DGKB: variants seen among roughly 807,000 people sequenced by gnomAD.
The protein encoded by DGKB is diacylglycerol kinase beta.
DGKB carries 67 observed loss-of-function variants against 114.3 expected under a neutral mutation model. The observed-to-expected ratio is 0.59, with a 90% CI of 0.48 to 0.72. DGKB has a LOEUF of 0.72. DGKB is among the 30% of genes least tolerant of loss of function. DGKB has a pLI of 0.00. For synonymous variants in DGKB, 398 were observed against 323.1 expected, an observed-to-expected ratio of 1.23 and a Z score of -2.49; for missense variants, 907 against 975.2, an observed-to-expected ratio of 0.93 and a Z score of 0.93.
At chr7:14,825,781 G>A (rs141052420) in intron 2 of DGKB, among the ~76,000 whole-genome samples, 1 of 152,192 alleles carries the variant, frequency 6.6e-6, no homozygotes, top group East Asian at 1.9e-4. Flanking sequence ...CACAATTTAA[G>A]CAAATGATCC....
chr7:14,714,407 G>A (rs1006667757), intron 6 of DGKB, among the ~76,000 whole-genome samples: 2 of 152,102 alleles, frequency 1.3e-5, no homozygotes, highest in African/African-American at 2.4e-5. Context: ...GGGTCAAACT[G>A]TGGAGTCAGA....
At chr7:14,236,376 A>G (rs187580737) in intron 23 of DGKB, among the ~76,000 whole-genome samples, 2 of 136,592 alleles carry the variant, frequency 1.5e-5, no homozygotes, top group Admixed American at 1.5e-4. Context: ...GCCAAAAAAA[A>G]GGAAAATTAA....
At chr7:14,334,212 T>G (rs919264318) in intron 23 of DGKB, among the ~76,000 whole-genome samples, 1 of 152,200 alleles carries the variant, frequency 6.6e-6, no homozygotes, top group South Asian at 2.1e-4. Context: ...GTGGTTCCCA[T>G]GCACTGTGGT....
intron 23 of DGKB, among the ~76,000 whole-genome samples, chr7:14,333,460 TAA>T (rs36112659): frequency 0.49 from 61,257 of 125,306 alleles, 14,662 homozygotes; most frequent in Middle Eastern, 0.57. Context: ...GACTCCGTCT[TAA>T]AAAAAAAAAA....
intron 4 of DGKB, among the ~76,000 whole-genome samples, chr7:14,746,808 T>C (rs981824254): frequency 6.6e-6 from 1 of 152,176 alleles, no homozygotes; most frequent in African/African-American, 2.4e-5. Context: ...CAATTTGCCT[T>C]TTTATTGGTA....
intron 4 of DGKB, among the ~76,000 whole-genome samples, chr7:14,750,789 A>ATTTT (rs1833986870): frequency 1.1e-4 from 9 of 85,048 alleles, no homozygotes; most frequent in East Asian, 3.6e-4. Flanking sequence ...AGCTATTTCT[A>ATTTT]TTTCTTTTTT....
rs913503351 is a variant in DGKB at position 14,799,953 on chromosome 7, G to A, written c.70+41241C>T. Among the ~76,000 whole-genome samples the A allele has an allele frequency of 3.3e-5, 5 of 151,406 alleles. No homozygotes were observed. In the South Asian group the frequency reaches 1.0e-3, roughly 32 times the overall value. On this transcript the variant is annotated intron_variant, in intron 2 of 25. Transcript: ENST00000402815. ...TTTTTTTTTGACAGAGTCTCACTCTGTTGCCCAGGCCAGAGTGCAGTGGCG... is the reference window on the plus strand; with the variant it reads ...TTTTTTTTTGACAGAGTCTCACTCTATTGCCCAGGCCAGAGTGCAGTGGCG...
chr7:14,345,284 A>C lies in DGKB; in HGVS notation c.1926+17T>G, dbSNP rs957050919. On this transcript the variant is annotated intron_variant, in intron 22 of 25. Coordinates refer to ENST00000402815, the MANE Select transcript of DGKB (RefSeq NM_001350709.2). ...CCATTTCATCATATTACAAAAGAGA[A>C]TTCATTTTTTTCTTACTTCTATTTC... The C allele has an allele frequency of 1.4e-6, 2 of 1,422,030 alleles. No individual in the cohort carries two copies. Among genetic ancestry groups the C allele is most frequent in the Non-Finnish European group, 1.9e-6 (2 of 1,040,166 alleles). 88.1% of individuals were successfully genotyped at this position (1,422,030 alleles called of 1,614,324 possible).
At chr7:14,943,339 A>AAC (rs1785679863) in intron 1 of DGKB, among the ~76,000 whole-genome samples, 1 of 151,874 alleles carries the variant, frequency 6.6e-6, no homozygotes, top group Non-Finnish European at 1.5e-5. Flanking sequence ...CATAAGAAAA[A>AAC]AACCTCTATA....
chr7:14,616,707 C>T (rs892576760), intron 15 of DGKB, among the ~76,000 whole-genome samples: 4 of 151,722 alleles, frequency 2.6e-5, no homozygotes. Flanking sequence ...GATGAAAGAA[C>T]CCTCAACCTG....
chr7:14,916,447 T>G (rs1290470268), intron 1 of DGKB, among the ~76,000 whole-genome samples: 1 of 152,016 alleles, frequency 6.6e-6, no homozygotes, highest in African/African-American at 2.4e-5. Flanking sequence ...ATTAAAGGGA[T>G]GGAGAAAGAT....
At chr7:14,956,144 C>T (rs912968203) in intron 1 of DGKB, among the ~76,000 whole-genome samples, 10 of 151,748 alleles carry the variant, frequency 6.6e-5, no homozygotes, top group African/African-American at 1.5e-4. Flanking sequence ...AAATGATAAC[C>T]GATAGATGTA....
chr7:14,544,030 T>A (rs1793903470), intron 20 of DGKB, among the ~76,000 whole-genome samples: 1 of 152,204 alleles, frequency 6.6e-6, no homozygotes, highest in Admixed American at 6.5e-5. Context: ...AGTATATGAT[T>A]TTTATTTCCG....
At chr7:14,482,745 T>TG (rs1394997163) in intron 20 of DGKB, among the ~76,000 whole-genome samples, 1 of 152,134 alleles carries the variant, frequency 6.6e-6, no homozygotes, top group Non-Finnish European at 1.5e-5. Context: ...AGTGTTTACC[T>TG]GAATGTACTA....
intron 21 of DGKB, among the ~76,000 whole-genome samples, chr7:14,365,094 G>T (rs548377439): frequency 1.3e-5 from 2 of 151,314 alleles, no homozygotes; most frequent in African/African-American, 4.8e-5. Flanking sequence ...CAACATCTTG[G>T]GGGTAGGGGC....
At chr7:14,491,056 G>T (rs1322071093) in intron 20 of DGKB, among the ~76,000 whole-genome samples, 1 of 151,902 alleles carries the variant, frequency 6.6e-6, no homozygotes, top group South Asian at 2.1e-4. Flanking sequence ...CTCCCTAGAA[G>T]TGAGAATGAG....
At chr7:14,267,565 T>G (rs1205730300) in intron 23 of DGKB, among the ~76,000 whole-genome samples, 1 of 151,776 alleles carries the variant, frequency 6.6e-6, no homozygotes, top group Non-Finnish European at 1.5e-5. Context: ...CTCGGCTCAC[T>G]GCAAGCTCCA....
chr7:14,212,806 A>G (rs887213393), intron 23 of DGKB, among the ~76,000 whole-genome samples: 2 of 152,034 alleles, frequency 1.3e-5, no homozygotes, highest in African/African-American at 2.4e-5. Flanking sequence ...ACCACCATCC[A>G]TCTAACTGAT....
rs550958481 is a variant in DGKB at position 14,654,542 on chromosome 7, T to C, written c.1134+18387A>G. On this transcript the variant is annotated intron_variant, in intron 13 of 25. Coordinates refer to ENST00000402815, the MANE Select transcript of DGKB (RefSeq NM_001350709.2). ...TCTTCAAATAAATAGGGAAAAATCCTAAAATTTGTATTGAACCCAAACAAA... is the reference window on the plus strand; with the variant it reads ...TCTTCAAATAAATAGGGAAAAATCCCAAAATTTGTATTGAACCCAAACAAA... 2.1e-4 allele frequency among the ~76,000 whole-genome samples: 32 copies of C among 152,140 alleles called. No homozygotes were observed. The South Asian group carries it at 6.6e-3, about 32-fold the overall frequency.
Sources: gnomAD v4.1 joint callset for allele counts (sites outside exome capture counted in the v4.1 genomes callset) on GRCh38, gnomAD v4.1.1 for gene constraint, MANE v1.5 for transcripts, NCBI Gene and HGNC (gene_info 2026-07-23, HGNC 2026-07-21) for gene names.